The following EPB41L4A variants were observed in gnomAD, a reference collection of about 807,000 sequenced individuals.
The protein encoded by EPB41L4A is band 4.1-like protein 4A.
In EPB41L4A, 100 loss-of-function variants were observed where a neutral mutation model predicts 108.6. That is an observed-to-expected ratio of 0.92 (90% CI 0.78 to 1.09). The LOEUF (loss-of-function observed/expected upper bound fraction) is 1.09, where lower values mean the gene tolerates loss of function less well. Among genes scored for constraint, EPB41L4A ranks in the 50% least tolerant of loss-of-function variants. EPB41L4A has a pLI of 0.00. For missense variants in EPB41L4A, 1,030 were observed against 842.7 expected (o/e 1.22, Z -2.75); for synonymous variants, 319 against 289.0 (o/e 1.10, Z -1.05).
downstream of EPB41L4A, chr5:112,161,239 C>A: frequency 3.5e-6 from 1 of 288,882 alleles, no homozygotes; most frequent in Non-Finnish European, 6.9e-6. Context: ...AGCAGCGTGC[C>A]TGGTTACAGC....
intron 13 of EPB41L4A, among the ~76,000 whole-genome samples, chr5:112,206,318 C>T (rs979614183): frequency 6.7e-6 from 1 of 150,256 alleles, no homozygotes; most frequent in African/African-American, 2.5e-5. Context: ...TAGAGGAGTA[C>T]TTTGTAACAG....
chr5:112,148,134 T>A (rs1475424618), intron 12 of EPB41L4A, among the ~76,000 whole-genome samples: 3 of 147,980 alleles, frequency 2.0e-5, no homozygotes, highest in African/African-American at 7.3e-5. Context: ...AATATAATAG[T>A]ATTACTATAT....
chr5:112,354,710 T>C (rs1428443636), intron 1 of EPB41L4A, among the ~76,000 whole-genome samples: 1 of 152,198 alleles, frequency 6.6e-6, no homozygotes, highest in Admixed American at 6.5e-5. Context: ...CATTTTTGAA[T>C]CTGGATTCCA....
intron 17 of EPB41L4A, among the ~76,000 whole-genome samples, 182 bp downstream of exon 17, chr5:112,194,386 G>A (rs1381534144): frequency 1.3e-5 from 2 of 152,024 alleles, no homozygotes; most frequent in Non-Finnish European, 2.9e-5. Flanking sequence ...TCATCTTATT[G>A]TGAAGATAAG....
Position 112,404,874 on chromosome 5 carries a change from CCT to C in EPB41L4A, c.99+14065_99+14066del, listed in dbSNP as rs1463326677. ...AACTCCCTTCTCTATGTTCATGCTA[CCT>C]CTCCATGCTGCATGGCCTTCAGAGA... On this transcript the variant is annotated intron_variant, in intron 1 of 22. Transcript: ENST00000261486. 5.9e-5 allele frequency among the ~76,000 whole-genome samples: 9 copies of C among 152,316 alleles called. No individual in the cohort carries two copies. The East Asian group carries it at 1.7e-3, about 29-fold the overall frequency.
chr5:112,285,333 G>C (rs908925347), intron 2 of EPB41L4A, among the ~76,000 whole-genome samples: 1 of 152,162 alleles, frequency 6.6e-6, no homozygotes, highest in Non-Finnish European at 1.5e-5. Context: ...GAGCCACAAA[G>C]ATCTCAAAAG....
intron 12 of EPB41L4A, among the ~76,000 whole-genome samples, chr5:112,221,881 T>G (rs1050442499): frequency 3.3e-5 from 5 of 152,208 alleles, no homozygotes; most frequent in African/African-American, 4.8e-5. Context: ...AAACATTAAC[T>G]TTTTAGAGAA....
At chr5:112,280,134 C>G in intron 3 of EPB41L4A, 138 bp downstream of exon 3, 1 of 748,220 alleles carries the variant, frequency 1.3e-6, no homozygotes, top group South Asian at 1.5e-5. Context: ...ACAATACACA[C>G]ATTCCCATAT....
chr5:112,408,953 T>C (rs1007258139), intron 1 of EPB41L4A, among the ~76,000 whole-genome samples: 6 of 152,028 alleles, frequency 3.9e-5, no homozygotes, highest in Non-Finnish European at 7.4e-5. Context: ...GCAATTCCAC[T>C]CTTAGGTATA....
chr5:112,237,914 G>GA (rs1326726555), intron 11 of EPB41L4A, among the ~76,000 whole-genome samples: 2 of 152,112 alleles, frequency 1.3e-5, no homozygotes, highest in Admixed American at 6.6e-5. Flanking sequence ...GATTTAGCAT[G>GA]GCCTCCAATT....
chr5:112,290,629 T>G (rs1561543967), intron 2 of EPB41L4A, among the ~76,000 whole-genome samples: 1 of 152,196 alleles, frequency 6.6e-6, no homozygotes, highest in Non-Finnish European at 1.5e-5. Flanking sequence ...TGTGGATAAG[T>G]GAGGCATCAC....
At chr5:112,181,469 A>AAC (rs1014219359) in intron 18 of EPB41L4A, among the ~76,000 whole-genome samples, 3 of 151,958 alleles carry the variant, frequency 2.0e-5, no homozygotes, top group African/African-American at 7.3e-5. Context: ...AAAATAAATA[A>AAC]ACACACAAAT....
At chr5:112,322,820 A>G (rs1439131513) in intron 1 of EPB41L4A, among the ~76,000 whole-genome samples, 2 of 151,976 alleles carry the variant, frequency 1.3e-5, no homozygotes, top group South Asian at 2.1e-4. Context: ...GATAAATAGG[A>G]ACCCATCAAA....
At chr5:112,356,052 A>C (rs537048191) in intron 1 of EPB41L4A, among the ~76,000 whole-genome samples, 5 of 152,234 alleles carry the variant, frequency 3.3e-5, no homozygotes, top group South Asian at 4.1e-4. Context: ...ATGTTACTTG[A>C]CTGATTACTT....
chr5:112,185,550 A>G (rs1761386157), intron 17 of EPB41L4A, among the ~76,000 whole-genome samples: 1 of 152,190 alleles, frequency 6.6e-6, no homozygotes, highest in Non-Finnish European at 1.5e-5. Context: ...TATCTGTAAC[A>G]TACTCCAAGC....
At chr5:112,151,712 A>G (rs1287552554) in intron 12 of EPB41L4A, among the ~76,000 whole-genome samples, 2 of 149,820 alleles carry the variant, frequency 1.3e-5, no homozygotes, top group Admixed American at 1.3e-4. Flanking sequence ...CCAGTCCCAT[A>G]TTATTTTATA....
rs146201711 is a variant in EPB41L4A at position 112,166,754 on chromosome 5, T to C, written c.1933-1636A>G. Among the ~76,000 whole-genome samples the C allele has an allele frequency of 3.5e-3, 537 of 152,360 alleles. 14 individuals are homozygous for C. In the South Asian group the frequency reaches 0.052, roughly 15 times the overall value. ...GAGCCAGACTGTAAACTACATCCTG[T>C]TTGTGTCACGTGTTACTGTTATTTT... On this transcript the variant is annotated intron_variant, in intron 22 of 22. Transcript: ENST00000261486.
chr5:112,354,961 AT>A (rs1006946786), intron 1 of EPB41L4A, among the ~76,000 whole-genome samples: 4 of 152,012 alleles, frequency 2.6e-5, no homozygotes, highest in Admixed American at 6.6e-5. Context: ...ATTTTATCTG[AT>A]TTTTTTTAAA....
chr5:112,389,456 C>A (rs919982843), intron 1 of EPB41L4A, among the ~76,000 whole-genome samples: 3 of 152,164 alleles, frequency 2.0e-5, no homozygotes, highest in Admixed American at 1.3e-4. Context: ...TCAGGAGAGA[C>A]AGAAAACGGC....
Sources: allele counts gnomAD v4.1 joint callset (sites outside exome capture counted in the v4.1 genomes callset), GRCh38; gene constraint gnomAD v4.1.1; transcripts MANE v1.5; gene names NCBI Gene and HGNC (gene_info 2026-07-23, HGNC 2026-07-21).